CAND1: variants seen among roughly 807,000 people sequenced by gnomAD.
CAND1 encodes cullin associated and neddylation dissociated 1.
In CAND1, 7 loss-of-function variants were observed where a neutral mutation model predicts 108.5. The observed-to-expected ratio is 0.06, with a 90% CI of 0.04 to 0.12. The LOEUF (loss-of-function observed/expected upper bound fraction) is 0.12. Ranked by LOEUF, CAND1 falls within the 10% of genes least tolerant of loss-of-function variation. CAND1 has a pLI of 1.00. For missense variants in CAND1, 941 were observed against 1,448.7 expected, an observed-to-expected ratio of 0.65 and a Z score of 5.69; for synonymous variants, 534 against 512.0, an observed-to-expected ratio of 1.04 and a Z score of -0.58.
chr12:67,287,250 A>G (rs376157034), intron 2 of CAND1, among the ~76,000 whole-genome samples: 1 of 152,218 alleles, frequency 6.6e-6, no homozygotes, highest in South Asian at 2.1e-4. Context: ...ATGGGTGTAG[A>G]TAAGTGTGAA....
rs753101564 is a variant in CAND1, at chr12:67,311,717, A to C, written c.3385A>C (p.Arg1129=). ...IKMLTFLMLV[R]LSTLCPSAVL... is the part of the protein sequence containing the mutation. ...GATGCTGACATTTTTAATGTTGGTG[A>C]GACTGTCTACCCTTTGTCCAAGTGC... Residue 1129 remains arginine, a synonymous_variant, in exon 14 of 15, where the codon AGA becomes CGA. Coordinates refer to ENST00000545606, the MANE Select transcript of CAND1 (RefSeq NM_018448.5). 2 of 1,608,998 alleles carry C rather than the reference A, an allele frequency of 1.2e-6. No individual in the cohort carries two copies. The highest frequency in any genetic ancestry group is 2.2e-5 in the South Asian group (2 of 90,920).
intron 3 of CAND1, among the ~76,000 whole-genome samples, chr12:67,293,684 C>A (rs112872654): frequency 2.0e-5 from 3 of 151,804 alleles, no homozygotes; most frequent in African/African-American, 7.3e-5. Context: ...ACTCAGGAGG[C>A]GGAGGTTGTG....
At position 67,305,836 on chromosome 12, in the gene CAND1, A is replaced by G. The variant is rs1327801698; in HGVS notation, c.2168A>G (p.Tyr723Cys). The change falls in exon 10 of 15, where the codon TAT becomes TGT. Residue 723 changes from tyrosine (Y) to cysteine (C), a missense_variant. Physicochemically the swap from Tyr to Cys is radical, Grantham distance 194 (BLOSUM62 -2). Around this residue, in one of 9 missense-constraint regions of CAND1, gnomAD observed 697 missense variants for 942.0 expected, o/e 0.74. Coordinates refer to ENST00000545606, the MANE Select transcript of CAND1 (RefSeq NM_018448.5). The surrounding 1 kb of genome is among the most constrained non-coding windows in gnomAD (Gnocchi z 4.4). ...ISFLTTLAKVYPSSLSKISGS... is the reference protein window; with the variant it reads ...ISFLTTLAKVCPSSLSKISGS... The stretch of plus-strand genomic sequence containing the variant: ...TTTCTTACCACTTTGGCAAAAGTAT[A>G]TCCCTCCTCCCTTTCAAAGATAAGT... The G allele has an allele frequency of 1.2e-6, 2 of 1,614,204 alleles. No individual in the cohort carries two copies. Among genetic ancestry groups the G allele is most frequent in the Non-Finnish European group, 1.7e-6 (2 of 1,180,024 alleles).
intron 11 of CAND1, among the ~76,000 whole-genome samples, chr12:67,308,350 A>G (rs950825013): frequency 3.9e-5 from 6 of 152,118 alleles, no homozygotes; most frequent in African/African-American, 1.4e-4. Flanking sequence ...GCTAGGGCCT[A>G]GAAATTATTT....
At chr12:67,273,658 T>A (rs954729468) in intron 1 of CAND1, among the ~76,000 whole-genome samples, 11 of 151,784 alleles carry the variant, frequency 7.2e-5, no homozygotes, top group Non-Finnish European at 1.3e-4. Flanking sequence ...TAATTTTTTT[T>A]ATAGAGATGG....
At chr12:67,276,036 TC>T (rs1318201842) in intron 1 of CAND1, among the ~76,000 whole-genome samples, 1 of 152,198 alleles carries the variant, frequency 6.6e-6, no homozygotes, top group Non-Finnish European at 1.5e-5. Context: ...ATCACCCTTC[TC>T]CCGTCTGTCT....
chr12:67,295,276 C>A, intron 4 of CAND1, 120 bp downstream of exon 4: 1 of 858,282 alleles, frequency 1.2e-6, no homozygotes, highest in Non-Finnish European at 1.7e-6. Context: ...TAAATGGTGG[C>A]TGTTTTATCA....
In CAND1 at chr12:67,316,603, G is replaced by T. The variant is rs1214010727; in HGVS notation, c.*3773G>T. Reference sequence around the variant, plus strand: ...ATGCCAGTGTGTCAGGTTTCAGAATGATATTTAGTAGACAGAAATACCTAA... The same window carrying T: ...ATGCCAGTGTGTCAGGTTTCAGAATTATATTTAGTAGACAGAAATACCTAA... On this transcript the variant is annotated 3_prime_UTR_variant, in exon 15 of 15. Transcript: ENST00000545606. The T allele has an allele frequency of 6.6e-6, 1 of 152,106 alleles. No individual in the cohort carries two copies. Among genetic ancestry groups the T allele is most frequent in the Non-Finnish European group, 1.5e-5 (1 of 68,028 alleles). The allele number at this position is 152,106 out of a possible 1,614,324, so 9.4% of individuals were successfully genotyped here.
At chr12:67,304,794 G>GT in intron 9 of CAND1, 48 bp downstream of exon 9, 1 of 1,592,150 alleles carries the variant, frequency 6.3e-7, no homozygotes, top group Non-Finnish European at 8.5e-7. Flanking sequence ...TAGCCTTTTT[G>GT]TTAGGACTTA....
intron 1 of CAND1, among the ~76,000 whole-genome samples, chr12:67,276,058 C>G (rs1364021469): frequency 1.3e-5 from 2 of 152,196 alleles, no homozygotes; most frequent in African/African-American, 2.4e-5. Context: ...TCTTTAGTCT[C>G]CTGATGAGTA....
intron 3 of CAND1, among the ~76,000 whole-genome samples, chr12:67,293,541 G>A (rs1482604207): frequency 1.3e-5 from 2 of 151,984 alleles, no homozygotes; most frequent in African/African-American, 4.8e-5. Flanking sequence ...ATCACCTGAG[G>A]TCGGGAGTTC....
At chr12:67,298,870 G>T in intron 6 of CAND1, 80 bp from the exon 7 acceptor site, 1 of 816,396 alleles carries the variant, frequency 1.2e-6, no homozygotes. Flanking sequence ...GTTATTGCTG[G>T]TAATAAAGCA....
In CAND1 at chr12:67,306,254, A is replaced by G; in HGVS notation, c.2586A>G (p.Leu862=). ...SGQLELKSVI[L]EAFSSPSEEV... is the part of the protein sequence containing the mutation. Reference sequence around the variant, plus strand: ...AGTTGGAACTAAAATCTGTAATACTAGAAGCTTTCTCATCTCCTAGTGAAG... The same window carrying G: ...AGTTGGAACTAAAATCTGTAATACTGGAAGCTTTCTCATCTCCTAGTGAAG... The change falls in exon 10 of 15, where the codon CTA becomes CTG. Residue 862 remains leucine, a synonymous_variant. Coordinates refer to ENST00000545606, the MANE Select transcript of CAND1 (RefSeq NM_018448.5). 12 of 1,614,124 alleles carry G rather than the reference A, an allele frequency of 7.4e-6. No individual in the cohort carries two copies. Among genetic ancestry groups the G allele is most frequent in the African/African-American group, 1.3e-5 (1 of 75,052 alleles).
intron 1 of CAND1, among the ~76,000 whole-genome samples, chr12:67,280,411 A>G (rs749551999): frequency 6.6e-6 from 1 of 152,222 alleles, no homozygotes; most frequent in African/African-American, 2.4e-5. Flanking sequence ...GTTGCGGACT[A>G]TCTCCATAGC....
chr12:67,302,859 T>A (rs1015698756), intron 8 of CAND1, among the ~76,000 whole-genome samples: 2 of 152,232 alleles, frequency 1.3e-5, no homozygotes, highest in African/African-American at 4.8e-5. Flanking sequence ...GTCTTTATCT[T>A]TGATGTTAAT....
At position 67,309,891 on chromosome 12, in the gene CAND1, A is replaced by G. The variant is rs372876075; in HGVS notation, c.3026-10A>G. 6.3e-7 allele frequency: 1 copy of G among 1,580,416 alleles called. No homozygotes were observed. The highest frequency in any genetic ancestry group is 8.6e-7 in the Non-Finnish European group (1 of 1,161,962). ...CATGTCTGTCTGTTGCTTTTCTTGT[A>G]ATATTTCAGGTGATTTCCTAAAAAC... On this transcript the variant is annotated splice_polypyrimidine_tract_variant and intron_variant, in intron 11 of 14. Coordinates refer to ENST00000545606, the MANE Select transcript of CAND1 (RefSeq NM_018448.5).
intron 2 of CAND1, among the ~76,000 whole-genome samples, chr12:67,288,876 CTT>C (rs1479377433): frequency 1.1e-4 from 17 of 152,280 alleles, no homozygotes. Flanking sequence ...GTCAGAGAGT[CTT>C]TGTCAATGAC....
chr12:67,298,617 CTAGTT>C (rs1254845365), intron 6 of CAND1, among the ~76,000 whole-genome samples: 1 of 152,100 alleles, frequency 6.6e-6, no homozygotes, highest in East Asian at 1.9e-4. Context: ...ACAAATAATC[CTAGTT>C]ACTGAAGAGC....
chr12:67,308,494 T>G (rs914955044), intron 11 of CAND1, among the ~76,000 whole-genome samples: 2 of 152,112 alleles, frequency 1.3e-5, no homozygotes, highest in African/African-American at 4.8e-5. Flanking sequence ...GAAATATCTT[T>G]CCATGTTGAC....
Sources: gnomAD v4.1 joint callset for allele counts (sites outside exome capture counted in the v4.1 genomes callset) on GRCh38, gnomAD v4.1.1 for gene constraint, gnomAD v4.1.1 regional missense constraint, Gnocchi (gnomAD v3.1) non-coding constraint, MANE v1.5 for transcripts, NCBI Gene and HGNC (gene_info 2026-07-23, HGNC 2026-07-21) for gene names.